The following POT1 variants were observed in gnomAD, a reference collection of about 807,000 sequenced individuals.
The protein encoded by POT1 is protection of telomeres 1.
In POT1, 47 loss-of-function variants were observed where a neutral mutation model predicts 78.5. That is an observed-to-expected ratio of 0.60 (90% CI 0.47 to 0.76). POT1 has a LOEUF of 0.76. POT1 is among the 30% of genes least tolerant of loss of function. POT1 has a pLI of 0.00. For missense variants in POT1, 646 were observed against 749.9 expected (o/e 0.86, Z 1.62); for synonymous variants, 259 against 260.7 (o/e 0.99, Z 0.06).
chr7:124,827,172 T>G, intron 17 of POT1, 42 bp downstream of exon 17: 1 of 1,164,672 alleles, frequency 8.6e-7, no homozygotes, highest in Non-Finnish European at 1.2e-6. Context: ...TTTTAAATAT[T>G]ATTTTTTAAT....
rs756111359 is a variant in POT1 at position 124,841,037 on chromosome 7, T to C, written c.1305A>G (p.Ala435=). The C allele has an allele frequency of 1.2e-6, 2 of 1,612,328 alleles. No homozygotes were observed. Among genetic ancestry groups the C allele is most frequent in the East Asian group, 2.2e-5 (1 of 44,740 alleles). The change falls in exon 14 of 19, where the codon GCA becomes GCG. Residue 435 remains alanine (A), a synonymous_variant. Coordinates refer to ENST00000357628, the MANE Select transcript of POT1 (RefSeq NM_015450.3). ...TACCATTATTTTTCACAAAATGAAC[T>C]GCTACTTTTCGTCCTTTTTGATTTT... ...TTKNQKGRKV[A]VHFVKNNGIL... is the part of the protein sequence containing the mutation.
At chr7:124,827,165 T>A (rs1794649601) in intron 17 of POT1, 49 bp downstream of exon 17, 9 of 1,125,474 alleles carry the variant, frequency 8.0e-6, no homozygotes, top group Non-Finnish European at 1.1e-5. Flanking sequence ...TTCAATTTTT[T>A]AAATATTATT....
intron 5 of POT1, among the ~76,000 whole-genome samples, chr7:124,893,400 A>G (rs1461828296): frequency 6.6e-6 from 1 of 151,490 alleles, no homozygotes; most frequent in Non-Finnish European, 1.5e-5. Context: ...AATTAAAACT[A>G]ACAATTCCTA....
At chr7:124,905,441 A>T (rs975321858) in intron 3 of POT1, among the ~76,000 whole-genome samples, 7 of 152,194 alleles carry the variant, frequency 4.6e-5, no homozygotes, top group Admixed American at 1.3e-4. Context: ...TAGAAAGCAG[A>T]AACTGGATCC....
chr7:124,901,823 G>T (rs148348718), intron 3 of POT1, among the ~76,000 whole-genome samples: 2,386 of 152,156 alleles, frequency 0.016, 30 homozygotes, highest in Middle Eastern at 0.041. Context: ...AAATAGAGAA[G>T]ACCTTAAATG....
rs183512966 is a variant in POT1, at chr7:124,844,192, G to A, written c.1007-1229C>T. Among the ~76,000 whole-genome samples the A allele has an allele frequency of 4.7e-5, 7 of 148,002 alleles. No individual in the cohort carries two copies. The East Asian group carries it at 1.2e-3, about 26-fold the overall frequency. ...TGCCCAGGCTGGAGTGCAATGGTGC[G>A]ATCTCTGCTCACCACAACCTCTACC... On this transcript the variant is annotated intron_variant, in intron 12 of 18. Transcript: ENST00000357628.
intron 6 of POT1, among the ~76,000 whole-genome samples, chr7:124,881,504 G>A (rs1401890553): frequency 6.6e-6 from 1 of 151,894 alleles, no homozygotes; most frequent in Non-Finnish European, 1.5e-5. Flanking sequence ...AAAATAGCAA[G>A]CTAAAAGAAA....
chr7:124,889,381 A>G (rs550215172), intron 6 of POT1, among the ~76,000 whole-genome samples: 3 of 152,216 alleles, frequency 2.0e-5, no homozygotes, highest in African/African-American at 7.2e-5. Context: ...TTCAGAAAAG[A>G]AGCCATCTTC....
chr7:124,843,470 TGTA>T (rs1795081697), intron 12 of POT1, among the ~76,000 whole-genome samples: 1 of 151,738 alleles, frequency 6.6e-6, no homozygotes, highest in Non-Finnish European at 1.5e-5. Flanking sequence ...ACAGGAGTGG[TGTA>T]GTAGTGGAGA....
At chr7:124,842,767 A>G (rs1472933250) in intron 13 of POT1, 40 bp downstream of exon 13, 3 of 1,533,478 alleles carry the variant, frequency 2.0e-6, no homozygotes, top group South Asian at 2.4e-5. Context: ...ATACACACAA[A>G]TAATATGAAA....
intron 6 of POT1, among the ~76,000 whole-genome samples, chr7:124,888,961 C>T (rs1796307305): frequency 2.0e-5 from 3 of 151,908 alleles, no homozygotes; most frequent in African/African-American, 7.2e-5. Context: ...GACTTGATAA[C>T]CCTATAATGG....
chr7:124,848,521 T>A, intron 11 of POT1: 1 of 157,612 alleles, frequency 6.3e-6, no homozygotes, highest in Non-Finnish European at 1.4e-5. Context: ...AAAAATTAGC[T>A]GGGCGTGGTG....
chr7:124,829,914 G>T (rs1794720748), intron 15 of POT1, among the ~76,000 whole-genome samples: 1 of 151,970 alleles, frequency 6.6e-6, no homozygotes, highest in Non-Finnish European at 1.5e-5. Context: ...GCCCAGGCTG[G>T]TCTCAACTCC....
rs1794569508 is a variant in POT1 at position 124,823,995 on chromosome 7, A to C, written c.1872T>G (p.Ile624Met). ...NGTDNQICYQIFDTTVAEDVI is the reference protein window; with the variant it reads ...NGTDNQICYQMFDTTVAEDVI Reference sequence around the variant, plus strand: ...CATCTTCTGCAACTGTGGTGTCAAAAATCTGATAGCAAATTTGATTATCTG... The same window carrying C: ...CATCTTCTGCAACTGTGGTGTCAAACATCTGATAGCAAATTTGATTATCTG... Residue 624 changes from isoleucine to methionine, a missense_variant, in exon 19 of 19, where the codon ATT becomes ATG. Around this residue, in one of 2 missense-constraint regions of POT1, gnomAD observed 394 missense variants for 408.4 expected, o/e 0.96. Coordinates refer to ENST00000357628, the MANE Select transcript of POT1 (RefSeq NM_015450.3). 7.5e-6 allele frequency: 12 copies of C among 1,604,004 alleles called. No homozygotes were observed. Among genetic ancestry groups the C allele is most frequent in the African/African-American group, 1.3e-5 (1 of 74,726 alleles).
intron 3 of POT1, among the ~76,000 whole-genome samples, chr7:124,907,315 A>G (rs1375641631): frequency 6.6e-6 from 1 of 152,122 alleles, no homozygotes; most frequent in Non-Finnish European, 1.5e-5. Flanking sequence ...TTCCCTGTTT[A>G]GTATAGCCAA....
At chr7:124,839,391 G>C (rs1794972474) in intron 14 of POT1, among the ~76,000 whole-genome samples, 1 of 152,106 alleles carries the variant, frequency 6.6e-6, no homozygotes, top group African/African-American at 2.4e-5. Context: ...TGTAAACTAT[G>C]GTCACAATAA....
intron 6 of POT1, among the ~76,000 whole-genome samples, chr7:124,873,014 T>C (rs1795907625): frequency 6.6e-6 from 1 of 152,226 alleles, no homozygotes; most frequent in East Asian, 1.9e-4. Flanking sequence ...CCTTTGCCCA[T>C]GTTTAAATTG....
chr7:124,902,860 G>A (rs892222162), intron 3 of POT1, among the ~76,000 whole-genome samples: 2 of 152,030 alleles, frequency 1.3e-5, no homozygotes, highest in East Asian at 3.9e-4. Context: ...ACAAAAAAAA[G>A]CAGGAGTTGC....
chr7:124,832,004 A>AT (rs1794770889), intron 15 of POT1, among the ~76,000 whole-genome samples: 5 of 124,026 alleles, frequency 4.0e-5, no homozygotes, highest in South Asian at 2.7e-4. Context: ...AAAAATAAAA[A>AT]AAAAAAAAAA....
Sources: gnomAD v4.1 joint callset for allele counts (sites outside exome capture counted in the v4.1 genomes callset) on GRCh38, gnomAD v4.1.1 for gene constraint, gnomAD v4.1.1 regional missense constraint, MANE v1.5 for transcripts, NCBI Gene and HGNC (gene_info 2026-07-23, HGNC 2026-07-21) for gene names.